The following BLTP1 variants were observed in gnomAD, a reference collection of about 807,000 sequenced individuals.
The protein encoded by BLTP1 is fragile site-associated protein.
the BLTP1 span, chr4:122,313,045 C>T: frequency 1.5e-5 from 3 of 202,204 alleles, no homozygotes; most frequent in African/African-American, 7.1e-5. Flanking sequence ...AGATTAAAGC[C>T]AGTTGGTAGT....
chr4:122,186,300 C>T, the BLTP1 span: 4 of 1,078,042 alleles, frequency 3.7e-6, no homozygotes, highest in Admixed American at 9.8e-5. Flanking sequence ...TGAGGCTATG[C>T]ACCTAAACAG....
the BLTP1 span, chr4:122,206,175 C>G: frequency 5.7e-6 from 3 of 527,692 alleles, no homozygotes; most frequent in Non-Finnish European, 7.3e-6. Context: ...GTTTCATTCA[C>G]CATTGTAGTC....
chr4:122,190,308 C>A, the BLTP1 span: 2 of 600,356 alleles, frequency 3.3e-6, no homozygotes, highest in Non-Finnish European at 4.2e-6. Context: ...ATTGCCCAGG[C>A]TGATCTCAAA....
the BLTP1 span, among the ~76,000 whole-genome samples, chr4:122,288,088 A>G: frequency 1.3e-5 from 2 of 152,152 alleles, no homozygotes; most frequent in African/African-American, 2.4e-5. Context: ...AGAGTTGCCT[A>G]TTTTACTATG....
At chr4:122,265,845 C>A in the BLTP1 span, among the ~76,000 whole-genome samples, 2 of 152,156 alleles carry the variant, frequency 1.3e-5, no homozygotes, top group Non-Finnish European at 2.9e-5. Context: ...ATACAGGCAC[C>A]CGCCACTATG....
At chr4:122,195,675 A>C in the BLTP1 span, 1 of 823,716 alleles carries the variant, frequency 1.2e-6, no homozygotes, top group Admixed American at 6.2e-5. Context: ...CCCACCTTGT[A>C]GTCAATGATC....
chr4:122,223,155 G>A, the BLTP1 span: 5 of 973,048 alleles, frequency 5.1e-6, no homozygotes, highest in African/African-American at 8.8e-5. Context: ...ATGAAAATTG[G>A]ATCAGAAGAG....
At chr4:122,230,615 A>G in the BLTP1 span, among the ~76,000 whole-genome samples, 17 of 152,258 alleles carry the variant, frequency 1.1e-4, no homozygotes, top group East Asian at 7.7e-4. Context: ...AACTCCTTTT[A>G]TGGGCCTTCA....
chr4:122,247,220 A>G, the BLTP1 span: 4 of 1,613,356 alleles, frequency 2.5e-6, no homozygotes, highest in Non-Finnish European at 2.5e-6. Context: ...TTTGATAGGT[A>G]TGTTCATGCC....
At chr4:122,276,363 CAAGA>C in the BLTP1 span, 1 of 787,954 alleles carries the variant, frequency 1.3e-6, no homozygotes, top group Non-Finnish European at 1.5e-6. Flanking sequence ...ATTCACTTTG[CAAGA>C]AAGAGTTTTC....
At chr4:122,224,141 A>G in the BLTP1 span, 2 of 940,026 alleles carry the variant, frequency 2.1e-6, no homozygotes, top group Non-Finnish European at 2.5e-6. Context: ...AAATATTTTA[A>G]TCTCATGATT....
the BLTP1 span, chr4:122,300,908 A>G: frequency 1.0e-6 from 1 of 978,836 alleles, no homozygotes; most frequent in African/African-American, 1.8e-5. Context: ...TGTATGCCAC[A>G]TTGCCCAGGC....
At chr4:122,258,801 T>C in the BLTP1 span, 17 of 1,613,784 alleles carry the variant, frequency 1.1e-5, no homozygotes, top group Non-Finnish European at 1.4e-5. Flanking sequence ...TGAGGAAACT[T>C]TCTAAAACTC....
the BLTP1 span, chr4:122,287,417 T>A: frequency 5.7e-6 from 1 of 176,380 alleles, no homozygotes; most frequent in Admixed American, 6.5e-5. Flanking sequence ...GTTATTTTCC[T>A]AATTTGATAT....
the BLTP1 span, chr4:122,328,125 G>T: frequency 6.2e-7 from 1 of 1,603,800 alleles, no homozygotes; most frequent in Non-Finnish European, 8.5e-7. Flanking sequence ...GACAGAACTG[G>T]ACCTTTTGTC....
chr4:122,200,122 TA>T, the BLTP1 span: 1 of 904,478 alleles, frequency 1.1e-6, no homozygotes. Context: ...ATGACATATG[TA>T]AATTAAGAGA....
chr4:122,182,924 T>C, the BLTP1 span: 3 of 983,394 alleles, frequency 3.1e-6, no homozygotes, highest in African/African-American at 5.2e-5. Flanking sequence ...CACCTCTTTC[T>C]TGAAAGACAC....
At chr4:122,271,201 C>T in the BLTP1 span, 2 of 1,613,954 alleles carry the variant, frequency 1.2e-6, no homozygotes, top group East Asian at 2.2e-5. Context: ...TTACTATTTC[C>T]TGTCAGTCAA....
the BLTP1 span, chr4:122,244,620 G>T: frequency 2.0e-6 from 2 of 982,258 alleles, no homozygotes; most frequent in Non-Finnish European, 2.4e-6. Flanking sequence ...TGTAGAAGCG[G>T]TTGGGAAGAG....
Sources: allele counts gnomAD v4.1 joint callset (sites outside exome capture counted in the v4.1 genomes callset), GRCh38; gene constraint gnomAD v4.1.1; transcripts MANE v1.5; gene names NCBI Gene and HGNC (gene_info 2026-07-23, HGNC 2026-07-21).